The following EEA1 variants were observed in gnomAD, a reference collection of about 807,000 sequenced individuals.
The protein encoded by EEA1 is early endosome antigen 1.
A neutral mutation model predicts 209.2 loss-of-function variants in EEA1; 111 were observed. The observed-to-expected ratio is 0.53, with a 90% CI of 0.45 to 0.62. The LOEUF (loss-of-function observed/expected upper bound fraction) is 0.62, where lower values mean the gene tolerates loss of function less well. Among genes scored for constraint, EEA1 ranks in the 20% least tolerant of loss-of-function variants. The probability of loss-of-function intolerance (pLI) is 0.00; values close to 1 mark genes in which losing one functional copy is unlikely to be tolerated. For missense variants in EEA1, 1,343 were observed against 1,530.8 expected (o/e 0.88, Z 2.05); for synonymous variants, 536 against 540.6 (o/e 0.99, Z 0.12).
intron 11 of EEA1, among the ~76,000 whole-genome samples, chr12:92,829,797 C>CAAAAA (rs1565825355): frequency 7.4e-5 from 5 of 67,766 alleles, no homozygotes; most frequent in Non-Finnish European, 8.1e-5. Context: ...AAAAAAAAAA[C>CAAAAA]AAAAAACAAG....
chr12:92,869,099 G>A (rs1878521398), intron 2 of EEA1, among the ~76,000 whole-genome samples: 1 of 152,092 alleles, frequency 6.6e-6, no homozygotes, highest in Non-Finnish European at 1.5e-5. Context: ...TGAACAGATC[G>A]CATGACCTTT....
chr12:92,853,951 C>T lies in EEA1; in HGVS notation c.370G>A (p.Ala124Thr). The T allele has an allele frequency of 1.3e-6, 2 of 1,579,742 alleles. No individual in the cohort carries two copies. The highest frequency in any genetic ancestry group is 1.4e-5 in the African/African-American group (1 of 73,358). The change falls in exon 6 of 29, where the codon GCC becomes ACC. Residue 124 changes from alanine (A) to threonine (T), a missense_variant. Ala to Thr is a moderately conservative substitution (Grantham distance 58, BLOSUM62 0). Around this residue, in one of 3 missense-constraint regions of EEA1, gnomAD observed 1,307 missense variants for 1,465.5 expected, o/e 0.89. Coordinates refer to ENST00000322349, the MANE Select transcript of EEA1 (RefSeq NM_003566.4). ...TCAGTCACCAACCCATCAGGTTTGG[C>T]CTCCTCAATTAAAACAAAAGACATA... ...EKYQGLQQQE[A>T]KPDGLVTDSS... is the part of the protein sequence containing the mutation.
At chr12:92,842,394 A>T in intron 10 of EEA1, 71 bp downstream of exon 10, 1 of 790,282 alleles carries the variant, frequency 1.3e-6, no homozygotes, top group Non-Finnish European at 2.1e-6. Flanking sequence ...TATATTTTTT[A>T]AAGTATGTAA....
chr12:92,816,292 G>GT lies in EEA1; in HGVS notation c.1836dup (p.Gln613ThrfsTer10). ...GTTTCTAGGGAAAGGACACGGTCTTGTGCAGCTCTAAGATGTGCCTTCTGC... is the reference window on the plus strand; with the variant it reads ...GTTTCTAGGGAAAGGACACGGTCTTGTTGCAGCTCTAAGATGTGCCTTCTGC... On this transcript the variant is annotated frameshift_variant, in exon 15 of 29. Coordinates refer to ENST00000322349, the MANE Select transcript of EEA1 (RefSeq NM_003566.4). LOFTEE classifies it high-confidence loss of function. 6.2e-7 allele frequency: 1 copy of GT among 1,613,996 alleles called. No homozygotes were observed. The highest frequency in any genetic ancestry group is 8.5e-7 in the Non-Finnish European group (1 of 1,179,918).
chr12:92,847,618 A>G (rs556546688), intron 9 of EEA1, among the ~76,000 whole-genome samples: 8 of 152,350 alleles, frequency 5.3e-5, no homozygotes, highest in African/African-American at 9.6e-5. Flanking sequence ...GTAATTAACA[A>G]TAAGTTTTAG....
chr12:92,875,720 A>C (rs1878852792), intron 2 of EEA1, among the ~76,000 whole-genome samples: 1 of 152,192 alleles, frequency 6.6e-6, no homozygotes, highest in East Asian at 1.9e-4. Flanking sequence ...ACAGTTAAAA[A>C]CTAAAGTCTG....
At chr12:92,780,107 C>T (rs746897529) in intron 24 of EEA1, among the ~76,000 whole-genome samples, 173 bp downstream of exon 24, 6 of 152,152 alleles carry the variant, frequency 3.9e-5, no homozygotes, top group African/African-American at 7.2e-5. Flanking sequence ...AATATGTGTA[C>T]GGGTATTATG....
intron 13 of EEA1, among the ~76,000 whole-genome samples, chr12:92,824,532 C>G (rs1876203689): frequency 6.6e-6 from 1 of 152,172 alleles, no homozygotes; most frequent in Non-Finnish European, 1.5e-5. Flanking sequence ...CTTTTTAACT[C>G]TTCTAACACT....
At chr12:92,859,942 G>A (rs138654085) in intron 3 of EEA1, among the ~76,000 whole-genome samples, 140 of 152,178 alleles carry the variant, frequency 9.2e-4, no homozygotes, top group African/African-American at 3.3e-3. Context: ...TGTATGTAAC[G>A]CAAGTTCCCA....
At chr12:92,928,169 A>AC (rs1881281377) in intron 1 of EEA1, among the ~76,000 whole-genome samples, 1 of 152,172 alleles carries the variant, frequency 6.6e-6, no homozygotes, top group African/African-American at 2.4e-5. Context: ...TACCAAAAAA[A>AC]AAAAACAAAT....
intron 21 of EEA1, among the ~76,000 whole-genome samples, chr12:92,791,594 C>A (rs1424160248): frequency 2.0e-5 from 3 of 152,146 alleles, no homozygotes; most frequent in African/African-American, 7.2e-5. Flanking sequence ...TGTATATGCA[C>A]CCAATACAGG....
intron 1 of EEA1, among the ~76,000 whole-genome samples, chr12:92,902,177 G>C (rs145069126): frequency 6.6e-6 from 1 of 152,144 alleles, no homozygotes; most frequent in East Asian, 1.9e-4. Context: ...CTGGGCAACA[G>C]AGTAAGACCT....
chr12:92,789,677 A>G (rs147480884), intron 21 of EEA1, among the ~76,000 whole-genome samples: 2 of 152,124 alleles, frequency 1.3e-5, no homozygotes, highest in Non-Finnish European at 2.9e-5. Flanking sequence ...TCTAGACTCC[A>G]CCTCTGGGGG....
In EEA1 at chr12:92,921,914, G is replaced by A. The variant is rs915492559; in HGVS notation, c.24+7129C>T. On this transcript the variant is annotated intron_variant, in intron 1 of 28. Coordinates refer to ENST00000322349, the MANE Select transcript of EEA1 (RefSeq NM_003566.4). ...AAAAAAGAAAAGAAAGCTATTAGAA[G>A]ATGGTCAGAGAATGACAGATTACAT... Among the ~76,000 whole-genome samples the A allele has an allele frequency of 2.1e-5, 3 of 145,658 alleles. No individual in the cohort carries two copies. In the South Asian group the frequency reaches 6.7e-4, roughly 33 times the overall value.
chr12:92,797,171 T>G (rs1874690786), intron 21 of EEA1, among the ~76,000 whole-genome samples: 1 of 152,228 alleles, frequency 6.6e-6, no homozygotes, highest in Admixed American at 6.5e-5. Context: ...CACTGCAACC[T>G]CTGCCTCTGG....
intron 21 of EEA1, among the ~76,000 whole-genome samples, chr12:92,797,486 T>C (rs1221735326): frequency 6.6e-6 from 1 of 152,184 alleles, no homozygotes; most frequent in Non-Finnish European, 1.5e-5. Flanking sequence ...TCTACAGATA[T>C]GGAGGGTCAA....
At chr12:92,892,576 G>A (rs1243905042) in intron 1 of EEA1, among the ~76,000 whole-genome samples, 3 of 136,624 alleles carry the variant, frequency 2.2e-5, no homozygotes, top group African/African-American at 8.0e-5. Flanking sequence ...TTTGAAACAA[G>A]AGTCTTGCTC....
intron 2 of EEA1, among the ~76,000 whole-genome samples, chr12:92,881,959 C>A (rs1245418461): frequency 6.6e-6 from 1 of 151,890 alleles, no homozygotes; most frequent in East Asian, 1.9e-4. Flanking sequence ...CCATTTCTTC[C>A]TCCTCCTCCT....
At chr12:92,897,193 A>T (rs933154379) in intron 1 of EEA1, among the ~76,000 whole-genome samples, 1 of 152,078 alleles carries the variant, frequency 6.6e-6, no homozygotes, top group African/African-American at 2.4e-5. Flanking sequence ...ACCACAGGCT[A>T]CTCCCTTTGA....
Sources: allele counts gnomAD v4.1 joint callset (sites outside exome capture counted in the v4.1 genomes callset), GRCh38; gene constraint gnomAD v4.1.1; regional missense constraint gnomAD v4.1.1; transcripts MANE v1.5; gene names NCBI Gene and HGNC (gene_info 2026-07-23, HGNC 2026-07-21).